Variants in COBL observed in about 807,000 individuals in gnomAD.
COBL encodes the protein protein cordon-bleu.
In COBL, 51 loss-of-function variants were observed where a neutral mutation model predicts 98.8. The observed-to-expected ratio is 0.52, with a 90% CI of 0.41 to 0.65. COBL has a LOEUF of 0.65. Ranked by LOEUF, COBL falls within the 30% of genes least tolerant of loss-of-function variation. The pLI, the probability that COBL is intolerant of heterozygous loss-of-function variation, is 0.00. For synonymous variants in COBL, 634 were observed against 651.7 expected (o/e 0.97, Z 0.41); for missense variants, 1,617 against 1,617.5 (o/e 1.00, Z 0.01).
chr7:51,051,748 T>C (rs1021081875), intron 7 of COBL, among the ~76,000 whole-genome samples: 1 of 152,196 alleles, frequency 6.6e-6, no homozygotes, highest in East Asian at 1.9e-4. Flanking sequence ...CTAAGTGAAG[T>C]TCCACAGGGA....
chr7:51,172,228 G>C (rs1787936893), intron 5 of COBL, among the ~76,000 whole-genome samples: 1 of 152,208 alleles, frequency 6.6e-6, no homozygotes, highest in African/African-American at 2.4e-5. Flanking sequence ...GGCTTCTCCT[G>C]ATCACACTGA....
At chr7:51,250,106 A>C (rs1380253360) in intron 1 of COBL, among the ~76,000 whole-genome samples, 6 of 152,192 alleles carry the variant, frequency 3.9e-5, no homozygotes, top group African/African-American at 1.4e-4. Context: ...CATTTCAAAA[A>C]AAAAAAGAAG....
At chr7:51,043,919 A>C (rs1789448293) in intron 7 of COBL, among the ~76,000 whole-genome samples, 1 of 152,206 alleles carries the variant, frequency 6.6e-6, no homozygotes, top group African/African-American at 2.4e-5. Flanking sequence ...AAAAATCAGT[A>C]TTTGATTAAT....
intron 1 of COBL, among the ~76,000 whole-genome samples, chr7:51,232,926 A>T (rs1340886925): frequency 2.0e-5 from 3 of 152,224 alleles, no homozygotes; most frequent in Non-Finnish European, 4.4e-5. Context: ...CATGAAAAGT[A>T]CCAGAGACGC....
chr7:51,232,935 G>A (rs1328032536), intron 1 of COBL, among the ~76,000 whole-genome samples: 1 of 152,154 alleles, frequency 6.6e-6, no homozygotes, highest in South Asian at 2.1e-4. Flanking sequence ...TACCAGAGAC[G>A]CTGTGTGTTA....
At chr7:51,244,883 G>A (rs1222146558) in intron 1 of COBL, among the ~76,000 whole-genome samples, 2 of 152,160 alleles carry the variant, frequency 1.3e-5, no homozygotes, top group East Asian at 1.9e-4. Flanking sequence ...TGCAAGGAAC[G>A]CAGTTCCAGA....
intron 1 of COBL, among the ~76,000 whole-genome samples, chr7:51,283,673 C>T (rs1042665370): frequency 3.3e-5 from 5 of 151,918 alleles, no homozygotes; most frequent in African/African-American, 4.8e-5. Flanking sequence ...TTAGTAGAGA[C>T]GGGGTTTCAC....
At position 51,219,916 on chromosome 7, in the gene COBL, G is replaced by T; in HGVS notation, c.70C>A (p.Pro24Thr). 2 of 1,611,618 alleles carry T rather than the reference G, an allele frequency of 1.2e-6. No individual in the cohort carries two copies. Among genetic ancestry groups the T allele is most frequent in the Non-Finnish European group, 1.7e-6 (2 of 1,179,864 alleles). The change falls in exon 2 of 13, where the codon CCT becomes ACT. Residue 24 changes from proline to threonine, a missense_variant. By Grantham distance (38) the Pro-to-Thr change is conservative. This residue lies in a region of COBL where 238 missense variants were observed against 215.0 expected (regional missense o/e 1.11). Coordinates refer to ENST00000265136, the MANE Select transcript of COBL (RefSeq NM_015198.5). ...TGCAGAGTGGCAGCCTTTCCAGGAG[G>T]TGGGGGAGCACGAGCCTTCATCTTC... ...GRKMKARAPP[P>T]PGKAATLHVH... is the part of the protein sequence containing the mutation.
At chr7:51,109,495 C>T (rs533364213) in intron 6 of COBL, among the ~76,000 whole-genome samples, 5 of 152,216 alleles carry the variant, frequency 3.3e-5, no homozygotes, top group Non-Finnish European at 7.4e-5. Flanking sequence ...TGTGACAGTC[C>T]TAAAATCCCA....
At chr7:51,269,392 G>A (rs559385376) in intron 1 of COBL, among the ~76,000 whole-genome samples, 14 of 152,328 alleles carry the variant, frequency 9.2e-5, no homozygotes, top group African/African-American at 3.4e-4. Context: ...GAAGGAGATG[G>A]GAGGCCAGCA....
At chr7:51,067,367 T>C (rs1332739323) in intron 7 of COBL, among the ~76,000 whole-genome samples, 2 of 152,392 alleles carry the variant, frequency 1.3e-5, no homozygotes, top group Admixed American at 1.3e-4. Context: ...CATGTGTATA[T>C]ATACACAAAT....
chr7:51,084,094 T>C (rs1382290489), intron 7 of COBL, among the ~76,000 whole-genome samples: 1 of 152,180 alleles, frequency 6.6e-6, no homozygotes, highest in Non-Finnish European at 1.5e-5. Context: ...TGAGCTGACA[T>C]GGAATACAGG....
chr7:51,142,668 G>A (rs2129013277), intron 5 of COBL, among the ~76,000 whole-genome samples: 1 of 152,286 alleles, frequency 6.6e-6, no homozygotes, highest in South Asian at 2.1e-4. Context: ...GCAGGCATGA[G>A]CTACAGCGCC....
At chr7:51,213,357 A>G (rs1792661251) in intron 2 of COBL, among the ~76,000 whole-genome samples, 1 of 152,200 alleles carries the variant, frequency 6.6e-6, no homozygotes, top group Admixed American at 6.5e-5. Flanking sequence ...CGATTCTCAT[A>G]GGAGAGTCAA....
At chr7:51,216,990 G>A (rs1460047995) in intron 2 of COBL, among the ~76,000 whole-genome samples, 2 of 152,176 alleles carry the variant, frequency 1.3e-5, no homozygotes, top group Admixed American at 1.3e-4. Context: ...TACTGCATCC[G>A]CAATAGTTAT....
At chr7:51,219,654 T>A in intron 2 of COBL, 87 bp downstream of exon 2, 1 of 1,407,692 alleles carries the variant, frequency 7.1e-7, no homozygotes, top group Non-Finnish European at 9.8e-7. Flanking sequence ...AGGAGGAAAA[T>A]GCAATACATC....
intron 6 of COBL, among the ~76,000 whole-genome samples, chr7:51,130,440 C>A (rs1798636354): frequency 6.6e-6 from 1 of 152,228 alleles, no homozygotes. Flanking sequence ...GCAGACTTCA[C>A]TCCAGGAGAA....
chr7:51,285,322 A>G lies in COBL; in HGVS notation c.41+31271T>C, dbSNP rs79917424. Among the ~76,000 whole-genome samples, 611 of 152,262 alleles carry G rather than the reference A, an allele frequency of 4.0e-3. 9 individuals carry two copies. Among genetic ancestry groups the G allele is most frequent in the African/African-American group, 0.012 (494 of 41,554 alleles). ...TAAAAGGCATCAAATTTGGACAGAG[A>G]GAAATAAACCACACCTTTTTTCTAG... is the stretch of plus-strand genomic sequence containing the variant. On this transcript the variant is annotated intron_variant, in intron 1 of 12. Coordinates refer to ENST00000265136, the MANE Select transcript of COBL (RefSeq NM_015198.5).
chr7:51,290,493 A>C (rs1316517704), intron 1 of COBL, among the ~76,000 whole-genome samples: 1 of 152,182 alleles, frequency 6.6e-6, no homozygotes, highest in African/African-American at 2.4e-5. Flanking sequence ...CTTCCTTTAA[A>C]TCTTGTCTTA....
Sources: allele counts gnomAD v4.1 joint callset (sites outside exome capture counted in the v4.1 genomes callset), GRCh38; gene constraint gnomAD v4.1.1; regional missense constraint gnomAD v4.1.1; transcripts MANE v1.5; gene names NCBI Gene and HGNC (gene_info 2026-07-23, HGNC 2026-07-21).